Variants in PLXNA4 observed in about 807,000 individuals in gnomAD.
PLXNA4 encodes the protein plexin A4, also known as plexin-A4.
PLXNA4 carries 44 observed loss-of-function variants against 191.8 expected under a neutral mutation model. The observed-to-expected ratio is 0.23, with a 90% CI of 0.18 to 0.29. PLXNA4 has a LOEUF of 0.29. Ranked by LOEUF, PLXNA4 falls within the 10% of genes least tolerant of loss-of-function variation. PLXNA4 has a pLI of 1.00. For missense variants in PLXNA4, 1,800 were observed against 2,488.8 expected, an observed-to-expected ratio of 0.72 and a Z score of 5.89; for synonymous variants, 1,082 against 1,009.5, an observed-to-expected ratio of 1.07 and a Z score of -1.36.
In PLXNA4 at chr7:132,382,623, C is replaced by T. The variant is rs1454799312; in HGVS notation, c.1372-84401G>A. ...GCAAATGGCTGCTACATCATCAGCT[C>T]GTTAATAACAGAGAGTACTGGCACT... On this transcript the variant is annotated intron_variant, in intron 3 of 31. Coordinates refer to ENST00000321063, the MANE Select transcript of PLXNA4 (RefSeq NM_020911.2). Among the ~76,000 whole-genome samples, 5 of 152,242 alleles carry T rather than the reference C, an allele frequency of 3.3e-5. No individual in the cohort carries two copies. In the South Asian group the frequency reaches 8.3e-4, roughly 25 times the overall value.
At chr7:132,138,132 T>C (rs1306071334) in intron 30 of PLXNA4, among the ~76,000 whole-genome samples, 1 of 152,174 alleles carries the variant, frequency 6.6e-6, no homozygotes, top group African/African-American at 2.4e-5. Flanking sequence ...TGCTTCCCTT[T>C]TTCACCTGCT....
chr7:132,346,941 G>C (rs778193761), intron 3 of PLXNA4, among the ~76,000 whole-genome samples: 2 of 152,224 alleles, frequency 1.3e-5, no homozygotes, highest in Non-Finnish European at 2.9e-5. Flanking sequence ...TCAGTAGTGA[G>C]AGGATGACAT....
At position 132,150,839 on chromosome 7, in the gene PLXNA4, C is replaced by T. The variant is rs116988167; in HGVS notation, c.4661-2193G>A. Among the ~76,000 whole-genome samples, 1,180 of 152,348 alleles carry T rather than the reference C, an allele frequency of 7.7e-3. 4 individuals carry two copies. Among genetic ancestry groups the T allele is most frequent in the Non-Finnish European group, 0.012 (821 of 68,040 alleles). ...ATTCTGGGCTCCAGGGCAGGTCTTC[C>T]ACCATGATGCACAATTCCCCTTAGA... On this transcript the variant is annotated intron_variant, in intron 25 of 31. Coordinates refer to ENST00000321063, the MANE Select transcript of PLXNA4 (RefSeq NM_020911.2).
Position 132,486,357 on chromosome 7 carries a change from G to C in PLXNA4, c.1371+2935C>G, listed in dbSNP as rs115522079. Among the ~76,000 whole-genome samples, 1,400 of 152,266 alleles carry C rather than the reference G, an allele frequency of 9.2e-3. 29 individuals are homozygous for C. The highest frequency in any genetic ancestry group is 0.032 in the African/African-American group (1,332 of 41,530). ...GGGAGTGGTGCTTAGTGAGTGAGTG[G>C]GGGTGGGGAATTCTATTGTTCAAGA... On this transcript the variant is annotated intron_variant, in intron 3 of 31. Transcript: ENST00000321063.
intron 3 of PLXNA4, among the ~76,000 whole-genome samples, chr7:132,480,706 C>T (rs1797301310): frequency 6.6e-6 from 1 of 152,210 alleles, no homozygotes; most frequent in South Asian, 2.1e-4. Context: ...AGTGGAAAAG[C>T]ACAGCTCGGC....
chr7:132,269,683 CTGT>C (rs1799990973), intron 4 of PLXNA4, among the ~76,000 whole-genome samples: 1 of 151,644 alleles, frequency 6.6e-6, no homozygotes, highest in African/African-American at 2.4e-5. Context: ...TTTCTGCCAA[CTGT>C]TGCCCTTCCA....
intron 3 of PLXNA4, among the ~76,000 whole-genome samples, chr7:132,406,842 G>A (rs1563081475): frequency 1.3e-5 from 2 of 152,076 alleles, no homozygotes; most frequent in Non-Finnish European, 2.9e-5. Context: ...GAATGTCCTT[G>A]TGCTTCCCCA....
chr7:132,438,107 G>A (rs921614831), intron 3 of PLXNA4, among the ~76,000 whole-genome samples: 9 of 152,302 alleles, frequency 5.9e-5, no homozygotes, highest in South Asian at 2.1e-4. Flanking sequence ...ACCTCAGCAC[G>A]ACTTACAGGT....
chr7:132,132,453 TTC>T (rs1794975599), intron 31 of PLXNA4, among the ~76,000 whole-genome samples: 1 of 57,018 alleles, frequency 1.8e-5, no homozygotes, highest in African/African-American at 6.5e-5. Context: ...TTCTGTTCTG[TTC>T]TGTTCTGTTC....
chr7:132,156,139 C>T (rs1050880767), intron 25 of PLXNA4, among the ~76,000 whole-genome samples: 15 of 125,480 alleles, frequency 1.2e-4, no homozygotes, highest in African/African-American at 4.9e-4. Flanking sequence ...TGGACATACA[C>T]ACACACACAC....
chr7:132,624,176 T>C (rs1803326139), intron 2 of PLXNA4, among the ~76,000 whole-genome samples: 1 of 150,874 alleles, frequency 6.6e-6, no homozygotes, highest in Non-Finnish European at 1.5e-5. Flanking sequence ...CCAAGGCAGT[T>C]GCAAGACTGG....
Position 132,589,441 on chromosome 7 carries a change from T to C in PLXNA4, c.-87+56487A>G, listed in dbSNP as rs1802565795. Among the ~76,000 whole-genome samples the C allele has an allele frequency of 2.0e-5, 3 of 152,178 alleles. No individual in the cohort carries two copies. In the South Asian group the frequency reaches 6.2e-4, roughly 32 times the overall value. On this transcript the variant is annotated intron_variant, in intron 2 of 4. Transcript: ENST00000378539. The stretch of plus-strand genomic sequence containing the variant: ...TGTTCTTCTAAGTTAAGATTTTAAA[T>C]TATAGAAAGTTGATGATAGCATATT...
intron 14 of PLXNA4, among the ~76,000 whole-genome samples, chr7:132,187,954 A>C (rs1012514318): frequency 6.6e-6 from 1 of 152,048 alleles, no homozygotes; most frequent in African/African-American, 2.4e-5. Context: ...TAAAGTAGGC[A>C]TTATTATTTT....
chr7:132,422,584 A>T (rs1469783182), intron 3 of PLXNA4, among the ~76,000 whole-genome samples: 1 of 152,200 alleles, frequency 6.6e-6, no homozygotes, highest in African/African-American at 2.4e-5. Flanking sequence ...CGTGTTGGCC[A>T]TATCTAATGG....
chr7:132,642,887 G>A (rs564306355), intron 2 of PLXNA4, among the ~76,000 whole-genome samples: 8 of 152,290 alleles, frequency 5.3e-5, no homozygotes, highest in African/African-American at 1.7e-4. Context: ...GATAGAAAGT[G>A]CTGGATGCAA....
intron 14 of PLXNA4, among the ~76,000 whole-genome samples, chr7:132,188,193 G>A (rs1796942345): frequency 6.6e-6 from 1 of 152,220 alleles, no homozygotes; most frequent in South Asian, 2.1e-4. Flanking sequence ...AACTCAGAGA[G>A]AGAAACAGAA....
At chr7:132,438,143 C>T (rs1005160208) in intron 3 of PLXNA4, among the ~76,000 whole-genome samples, 11 of 152,110 alleles carry the variant, frequency 7.2e-5, no homozygotes, top group African/African-American at 2.2e-4. Flanking sequence ...TGGGTTTGCA[C>T]GCAGCATGCC....
intron 5 of PLXNA4, among the ~76,000 whole-genome samples, chr7:132,231,946 CA>C (rs1270214955): frequency 6.6e-6 from 1 of 152,186 alleles, no homozygotes; most frequent in East Asian, 1.9e-4. Flanking sequence ...AGTGTAAGGT[CA>C]GAGCCAGGGA....
rs114653915 is a variant in PLXNA4, at chr7:132,196,574, A to C, written c.2738+1911T>G. ...CACTTCTGAGTTTTTACTATTATAA[A>C]TAAGGCTGAAATAAACATTCTTGAA... is the stretch of plus-strand genomic sequence containing the variant. On this transcript the variant is annotated intron_variant, in intron 13 of 31. Transcript: ENST00000321063. 1.9e-3 allele frequency among the ~76,000 whole-genome samples: 290 copies of C among 152,342 alleles called. 2 individuals are homozygous for C. The highest frequency in any genetic ancestry group is 6.5e-3 in the African/African-American group (272 of 41,580).
Sources: gnomAD v4.1 joint callset for allele counts (sites outside exome capture counted in the v4.1 genomes callset) on GRCh38, gnomAD v4.1.1 for gene constraint, MANE v1.5 for transcripts, NCBI Gene and HGNC (gene_info 2026-07-23, HGNC 2026-07-21) for gene names.